Variants in ZNF282 observed in about 807,000 individuals in gnomAD.
ZNF282 encodes the protein zinc finger protein 282.
In ZNF282, 30 loss-of-function variants were observed where a neutral mutation model predicts 61.9. The observed-to-expected ratio is 0.48, with a 90% CI of 0.36 to 0.66. The LOEUF is 0.66. Ranked by LOEUF, ZNF282 falls within the 30% of genes least tolerant of loss-of-function variation. The pLI, the probability that ZNF282 is intolerant of heterozygous loss-of-function variation, is 0.00. For synonymous variants in ZNF282, 396 were observed against 405.0 expected (o/e 0.98, Z 0.27); for missense variants, 788 against 941.4 (o/e 0.84, Z 2.13).
At chr7:149,210,530 G>A in intron 4 of ZNF282, 55 bp from the exon 5 acceptor site, 1 of 1,592,056 alleles carries the variant, frequency 6.3e-7, no homozygotes, top group Non-Finnish European at 8.5e-7. Flanking sequence ...CAGGAGCAGA[G>A]CTCCTGGTGC....
chr7:149,221,015 G>C (rs990650769), intron 7 of ZNF282, among the ~76,000 whole-genome samples: 2 of 151,626 alleles, frequency 1.3e-5, no homozygotes, highest in African/African-American at 4.9e-5. Flanking sequence ...GACCTCTCAG[G>C]TTTAAATAAT....
chr7:149,223,771 G>A (rs753989714), intron 7 of ZNF282, 41 bp from the exon 8 acceptor site: 4 of 1,454,932 alleles, frequency 2.7e-6, no homozygotes, highest in Admixed American at 2.6e-5. Flanking sequence ...GGTCCTGGCC[G>A]AGAACCCCTG....
chr7:149,223,844 C>A lies in ZNF282; in HGVS notation c.1213C>A (p.Pro405Thr). ...DSLLMVKNPP[P>T]APPQPQPQPQ... ...CCTGCTGATGGTGAAGAACCCACCC[C>A]CGGCCCCGCCACAGCCCCAGCCCCA... Residue 405 changes from proline to threonine, a missense_variant, in exon 8 of 8, where the codon CCG becomes ACG. This residue lies in a region of ZNF282 where 559 missense variants were observed against 642.0 expected (regional missense o/e 0.87). Coordinates refer to ENST00000610704, the MANE Select transcript of ZNF282 (RefSeq NM_003575.4). The A allele has an allele frequency of 6.9e-7, 1 of 1,458,222 alleles. No homozygotes were observed. Among genetic ancestry groups the A allele is most frequent in the Non-Finnish European group, 9.0e-7 (1 of 1,110,146 alleles). The allele number at this position is 1,458,222 out of a possible 1,614,324, so 90.3% of individuals were successfully genotyped here. A position where few individuals can be genotyped will look rare whatever the true frequency, so the allele number is the denominator to read the frequency against.
chr7:149,203,354 T>G (rs1179148092), intron 2 of ZNF282, among the ~76,000 whole-genome samples: 2 of 152,110 alleles, frequency 1.3e-5, no homozygotes, highest in African/African-American at 4.8e-5. Flanking sequence ...CACTTACTGG[T>G]TTTTTGTTTT....
Position 149,202,438 on chromosome 7 carries a change from A to G in ZNF282, c.585+3686A>G, listed in dbSNP as rs141277970. Among the ~76,000 whole-genome samples the G allele has an allele frequency of 6.4e-3, 980 of 152,054 alleles. 14 individuals are homozygous for G. The highest frequency in any genetic ancestry group is 0.022 in the African/African-American group (932 of 41,480). ...ACCATTCTCCGGCCTCAGCCTCCCA[A>G]GTAGCTGGGATTACAGGCACACATC... On this transcript the variant is annotated intron_variant, in intron 2 of 7. Transcript: ENST00000610704.
rs1262170151 is a variant in ZNF282, at chr7:149,223,801, T to G, written c.1181-11T>G. ...CCCCTGTCAGCATGTCACTTCTTCC[T>G]ATCTCCCCAGGTGACAGCCTGCTGA... On this transcript the variant is annotated splice_polypyrimidine_tract_variant and intron_variant, in intron 7 of 7. Transcript: ENST00000610704. 6.7e-7 allele frequency: 1 copy of G among 1,487,912 alleles called. No individual in the cohort carries two copies. The highest frequency in any genetic ancestry group is 1.5e-5 in the African/African-American group (1 of 68,920). The allele number at this position is 1,487,912 out of a possible 1,614,324, so 92.2% of individuals were successfully genotyped here.
intron 1 of ZNF282, among the ~76,000 whole-genome samples, chr7:149,196,676 G>C (rs1346326488): frequency 6.6e-6 from 1 of 152,198 alleles, no homozygotes; most frequent in African/African-American, 2.4e-5. Flanking sequence ...TCAAACCCGA[G>C]AAAACTAAAC....
At chr7:149,196,330 CGCATGTTGGAA>C (rs1466579915) in intron 1 of ZNF282, among the ~76,000 whole-genome samples, 1 of 152,152 alleles carries the variant, frequency 6.6e-6, no homozygotes, top group Non-Finnish European at 1.5e-5. Context: ...CAAACTTGGC[CGCATGTTGGAA>C]TGGCCTGGGC....
At chr7:149,210,086 A>T (rs1456794940) in intron 4 of ZNF282, among the ~76,000 whole-genome samples, 2 of 152,166 alleles carry the variant, frequency 1.3e-5, no homozygotes, top group Non-Finnish European at 2.9e-5. Flanking sequence ...AATAGAGCTT[A>T]GTTGTGCCTT....
chr7:149,207,465 A>C lies in ZNF282; in HGVS notation c.827A>C (p.Glu276Ala). 6.4e-7 allele frequency: 1 copy of C among 1,560,458 alleles called. No individual in the cohort carries two copies. Among genetic ancestry groups the C allele is most frequent in the Non-Finnish European group, 8.7e-7 (1 of 1,151,358 alleles). ...PEEREIPMDP[E>A]AGAEPLVPAQ... is the part of the protein sequence containing the mutation. ...GAGAGAGAAATCCCAATGGATCCCG[A>C]AGCAGGTGATGGCAGCAGAAGAGAG... is the stretch of plus-strand genomic sequence containing the variant. Residue 276 changes from glutamate to alanine, a missense_variant, in exon 4 of 8, where the codon GAA (glutamate) becomes GCA (alanine). Transcript: ENST00000610704.
In ZNF282 at chr7:149,213,221, A is replaced by C. The variant is rs144245245; in HGVS notation, c.1067-480A>C. 7.4e-3 allele frequency among the ~76,000 whole-genome samples: 1,131 copies of C among 152,316 alleles called. 13 individuals are homozygous for C. The highest frequency in any genetic ancestry group is 0.026 in the African/African-American group (1,063 of 41,578). Reference sequence around the variant, plus strand: ...ATCTAGGATTCCTTGTACTTTGTCAACTTCACCACAGAGAAATTGAGGGGA... The same window carrying C: ...ATCTAGGATTCCTTGTACTTTGTCACCTTCACCACAGAGAAATTGAGGGGA... On this transcript the variant is annotated intron_variant, in intron 6 of 7. Transcript: ENST00000610704.
intron 7 of ZNF282, among the ~76,000 whole-genome samples, chr7:149,219,883 G>A (rs889202492): frequency 6.6e-6 from 1 of 152,082 alleles, no homozygotes; most frequent in Non-Finnish European, 1.5e-5. Flanking sequence ...TGGCAAGGGT[G>A]CATGCCTGAT....
intron 5 of ZNF282, among the ~76,000 whole-genome samples, chr7:149,211,546 C>G (rs1796085373): frequency 6.6e-6 from 1 of 152,138 alleles, no homozygotes; most frequent in Admixed American, 6.6e-5. Context: ...TAAAAATATA[C>G]CTTCATAGAA....
Position 149,224,676 on chromosome 7 carries a change from C to A in ZNF282, c.*29C>A. Reference sequence around the variant, plus strand: ...TGGGCTGGGGGAGGGCAGGGCCGGACGGAGTGGATCGGGGGCGGCCTGAGC... The same window carrying A: ...TGGGCTGGGGGAGGGCAGGGCCGGAAGGAGTGGATCGGGGGCGGCCTGAGC... On this transcript the variant is annotated 3_prime_UTR_variant, in exon 8 of 8. Transcript: ENST00000610704. The A allele has an allele frequency of 6.8e-7, 1 of 1,467,156 alleles. No homozygotes were observed. Among genetic ancestry groups the A allele is most frequent in the African/African-American group, 1.4e-5 (1 of 71,204 alleles). 90.9% of individuals were successfully genotyped at this position (1,467,156 alleles called of 1,614,324 possible).
chr7:149,213,575 T>G, intron 6 of ZNF282, 126 bp from the exon 7 acceptor site: 1 of 681,592 alleles, frequency 1.5e-6, no homozygotes, highest in Non-Finnish European at 2.6e-6. Flanking sequence ...GGCCTGGAAA[T>G]GCAACACCGA....
Position 149,198,575 on chromosome 7 carries a change from T to C in ZNF282, c.408T>C (p.Cys136=), listed in dbSNP as rs370207856. 134 of 1,613,818 alleles carry C rather than the reference T, an allele frequency of 8.3e-5. No individual in the cohort carries two copies. Among genetic ancestry groups the C allele is most frequent in the Non-Finnish European group, 1.0e-4 (121 of 1,180,002 alleles). The change falls in exon 2 of 8, where the codon TGT becomes TGC. Residue 136 remains cysteine (C), a synonymous_variant. Coordinates refer to ENST00000610704, the MANE Select transcript of ZNF282 (RefSeq NM_003575.4). The surrounding 1 kb of genome is among the most constrained non-coding windows in gnomAD (Gnocchi z 4.3). Reference sequence around the variant, plus strand: ...CAGCCGAGAAGAAGCTGGCCGACTGTGAAAAGACGGCCGTGGAATTTGGGA... The same window carrying C: ...CAGCCGAGAAGAAGCTGGCCGACTGCGAAAAGACGGCCGTGGAATTTGGGA... ...TGTAEKKLAD[C]EKTAVEFGNH...
chr7:149,207,527 C>G, intron 4 of ZNF282, 57 bp downstream of exon 4: 5 of 1,548,080 alleles, frequency 3.2e-6, no homozygotes, highest in Non-Finnish European at 4.4e-6. Context: ...GGACAGCCGG[C>G]TTTCCGCACA....
rs543971363 is a variant in ZNF282 at position 149,220,616 on chromosome 7, C to A, written c.1181-3196C>A. ...GCTGCAGCTGTCCCAAGCGTCGCATCCAGACATGAGTGTACAGGAAAGCCC... is the reference window on the plus strand; with the variant it reads ...GCTGCAGCTGTCCCAAGCGTCGCATACAGACATGAGTGTACAGGAAAGCCC... On this transcript the variant is annotated intron_variant, in intron 7 of 7. Coordinates refer to ENST00000610704, the MANE Select transcript of ZNF282 (RefSeq NM_003575.4). Among the ~76,000 whole-genome samples, 454 of 152,152 alleles carry A rather than the reference C, an allele frequency of 3.0e-3. 1 individual carries two copies. Among genetic ancestry groups the A allele is most frequent in the Non-Finnish European group, 5.3e-3 (363 of 67,996 alleles).
At chr7:149,206,403 C>T (rs1409934964) in intron 2 of ZNF282, among the ~76,000 whole-genome samples, 1 of 152,174 alleles carries the variant, frequency 6.6e-6, no homozygotes, top group African/African-American at 2.4e-5. Context: ...CCAAAAGAAG[C>T]ATATTGACTA....
Sources: gnomAD v4.1 joint callset for allele counts (sites outside exome capture counted in the v4.1 genomes callset) on GRCh38, gnomAD v4.1.1 for gene constraint, gnomAD v4.1.1 regional missense constraint, Gnocchi (gnomAD v3.1) non-coding constraint, MANE v1.5 for transcripts, NCBI Gene and HGNC (gene_info 2026-07-23, HGNC 2026-07-21) for gene names.